Variants in SRPK1 observed in about 807,000 individuals in gnomAD.
SRPK1 encodes SRSF protein kinase 1.
In SRPK1, 52 loss-of-function variants were observed where a neutral mutation model predicts 89.5. The ratio of observed to expected loss-of-function variants is 0.58; its 90% confidence interval spans 0.46 to 0.73. The LOEUF (loss-of-function observed/expected upper bound fraction) is 0.73. Ranked by LOEUF, SRPK1 falls within the 30% of genes least tolerant of loss-of-function variation. The pLI is 0.00. For synonymous variants in SRPK1, 255 were observed against 270.2 expected, an observed-to-expected ratio of 0.94 and a Z score of 0.55; for missense variants, 603 against 780.6, an observed-to-expected ratio of 0.77 and a Z score of 2.71.
chr6:35,845,060 C>T (rs1427566287), intron 13 of SRPK1, among the ~76,000 whole-genome samples: 2 of 152,128 alleles, frequency 1.3e-5, no homozygotes, highest in East Asian at 3.8e-4. Context: ...AAAAAGGCTA[C>T]ATACTGTATG....
intron 2 of SRPK1, chr6:35,919,963 C>A: frequency 2.5e-6 from 1 of 404,260 alleles, no homozygotes; most frequent in Admixed American, 3.0e-5. Flanking sequence ...TTGACTAACC[C>A]AGGGAAAAGC....
At chr6:35,871,826 T>C (rs1770043036) in intron 8 of SRPK1, among the ~76,000 whole-genome samples, 1 of 152,178 alleles carries the variant, frequency 6.6e-6, no homozygotes, top group Non-Finnish European at 1.5e-5. Flanking sequence ...GTGGCAGCCT[T>C]GACTTCCTAG....
At chr6:35,874,652 C>A (rs973274741) in intron 6 of SRPK1, among the ~76,000 whole-genome samples, 6 of 152,160 alleles carry the variant, frequency 3.9e-5, no homozygotes, top group Admixed American at 1.3e-4. Context: ...GCAGTAGGCT[C>A]AAGCCTCAAG....
chr6:35,920,456 T>C lies in SRPK1; in HGVS notation c.74+12A>G. The C allele has an allele frequency of 6.2e-7, 1 of 1,612,550 alleles. No homozygotes were observed. The highest frequency in any genetic ancestry group is 8.5e-7 in the Non-Finnish European group (1 of 1,178,934). On this transcript the variant is annotated intron_variant, in intron 2 of 15. Coordinates refer to ENST00000373825, the MANE Select transcript of SRPK1 (RefSeq NM_003137.5). ...AAATCCAAAGAATGGGATGTTGGGG[T>C]ACAAGACTCACTTCCTTTGGGCTTT...
chr6:35,843,343 A>T (rs1403819076), intron 13 of SRPK1, among the ~76,000 whole-genome samples: 2 of 152,018 alleles, frequency 1.3e-5, no homozygotes, highest in African/African-American at 2.4e-5. Context: ...TCAAAAAAAA[A>T]AAAAAATTCA....
intron 2 of SRPK1, among the ~76,000 whole-genome samples, chr6:35,917,497 C>T (rs146733913): frequency 2.0e-5 from 3 of 152,248 alleles, no homozygotes; most frequent in Admixed American, 6.5e-5. Context: ...AAAAGCACAG[C>T]GTCCACAAAA....
At chr6:35,882,575 ATGAGCCACAGTGCC>A (rs1342375223) in intron 6 of SRPK1, among the ~76,000 whole-genome samples, 2 of 151,920 alleles carry the variant, frequency 1.3e-5, no homozygotes, top group African/African-American at 4.8e-5. Context: ...GATTATAGGC[ATGAGCCACAGTGCC>A]TGGCTAGGTT....
At chr6:35,836,705 A>T (rs1258430481) in intron 15 of SRPK1, among the ~76,000 whole-genome samples, 1 of 151,736 alleles carries the variant, frequency 6.6e-6, no homozygotes, top group Admixed American at 6.6e-5. Flanking sequence ...CAGTGAGCCA[A>T]GATCGTGCCA....
intron 15 of SRPK1, among the ~76,000 whole-genome samples, chr6:35,838,058 C>T (rs550761190): frequency 3.0e-4 from 45 of 152,076 alleles, no homozygotes; most frequent in African/African-American, 9.6e-4. Flanking sequence ...TTAGTAGAGA[C>T]GGGGTTTCAC....
intron 13 of SRPK1, 144 bp downstream of exon 13, chr6:35,857,117 C>T: frequency 4.6e-6 from 3 of 649,238 alleles, no homozygotes; most frequent in South Asian, 4.3e-5. Context: ...TCGGACCTCT[C>T]TAGACATAGA....
chr6:35,917,125 CAAAT>C (rs1038435737), intron 2 of SRPK1, among the ~76,000 whole-genome samples: 1 of 152,050 alleles, frequency 6.6e-6, no homozygotes, highest in Non-Finnish European at 1.5e-5. Context: ...TTATGACAAA[CAAAT>C]AAAGGCTCAC....
intron 13 of SRPK1, among the ~76,000 whole-genome samples, chr6:35,854,901 A>T (rs571906243): frequency 2.0e-5 from 3 of 152,292 alleles, no homozygotes; most frequent in East Asian, 3.9e-4. Flanking sequence ...TCAATAAGCA[A>T]AGCTTTAAAG....
intron 2 of SRPK1, among the ~76,000 whole-genome samples, chr6:35,902,543 C>A (rs976802685): frequency 6.6e-6 from 1 of 152,200 alleles, no homozygotes; most frequent in Admixed American, 6.5e-5. Flanking sequence ...TATTTCACCT[C>A]AGTACTGGGC....
chr6:35,914,204 C>T lies in SRPK1; in HGVS notation c.74+6264G>A, dbSNP rs990842748. On this transcript the variant is annotated intron_variant, in intron 2 of 15. Coordinates refer to ENST00000373825, the MANE Select transcript of SRPK1 (RefSeq NM_003137.5). ...GTTGATCAGGCTGGTCTCGAACTCC[C>T]GACCTTGGGTGATCCACACGCCTCA... Among the ~76,000 whole-genome samples, 7 of 151,938 alleles carry T rather than the reference C, an allele frequency of 4.6e-5. No homozygotes were observed. In the East Asian group the frequency reaches 9.7e-4, roughly 21 times the overall value.
chr6:35,913,383 G>A (rs1482918694), intron 2 of SRPK1, among the ~76,000 whole-genome samples: 1 of 152,164 alleles, frequency 6.6e-6, no homozygotes, highest in Non-Finnish European at 1.5e-5. Context: ...CTTGAGGTAG[G>A]AGAATCACTT....
intron 12 of SRPK1, among the ~76,000 whole-genome samples, chr6:35,865,676 A>G (rs988638180): frequency 6.6e-6 from 1 of 152,204 alleles, no homozygotes; most frequent in African/African-American, 2.4e-5. Flanking sequence ...AAAAGTCAAC[A>G]AGCACATTCA....
rs546518484 is a variant in SRPK1 at position 35,865,729 on chromosome 6, C to G, written c.1512+3281G>C. 7.8e-4 allele frequency among the ~76,000 whole-genome samples: 118 copies of G among 152,240 alleles called. 1 individual carries two copies. The highest frequency in any genetic ancestry group is 2.4e-3 in the African/African-American group (101 of 41,550). On this transcript the variant is annotated intron_variant, in intron 12 of 15. Transcript: ENST00000373825. ...TTTTCAATAAATGGTTCTAGGAAAA[C>G]TGGACTGCCATATGCAGACGAATAA...
At chr6:35,856,835 T>C (rs1769676030) in intron 13 of SRPK1, 1 of 155,748 alleles carries the variant, frequency 6.4e-6, no homozygotes, top group Non-Finnish European at 1.4e-5. Flanking sequence ...CTATGAATGA[T>C]TGGGATTCAC....
At chr6:35,917,993 A>G (rs1771149437) in intron 2 of SRPK1, among the ~76,000 whole-genome samples, 1 of 152,046 alleles carries the variant, frequency 6.6e-6, no homozygotes, top group South Asian at 2.1e-4. Context: ...CTTCTTCCTG[A>G]CTCACCTCCT....
Sources: allele counts gnomAD v4.1 joint callset (sites outside exome capture counted in the v4.1 genomes callset), GRCh38; gene constraint gnomAD v4.1.1; transcripts MANE v1.5; gene names NCBI Gene and HGNC (gene_info 2026-07-23, HGNC 2026-07-21).